Variants in ZNF582 observed in about 807,000 individuals in gnomAD.
ZNF582 encodes the protein zinc finger protein 582.
ZNF582 carries 14 observed loss-of-function variants against 12.3 expected under a neutral mutation model. That is an observed-to-expected ratio of 1.14 (90% confidence interval 0.75 to 1.78). ZNF582 has a LOEUF of 1.78. ZNF582 is among the 40% of genes most tolerant of loss of function. The pLI is 0.00. For missense variants in ZNF582, 567 were observed against 616.5 expected (o/e 0.92, Z 0.85); for synonymous variants, 210 against 207.2 (o/e 1.01, Z -0.11).
intron 1 of ZNF582, 59 bp downstream of exon 1, chr19:56,393,161 A>G (rs2042031549): frequency 8.1e-7 from 1 of 1,239,040 alleles, no homozygotes; most frequent in South Asian, 1.3e-5. Context: ...AAAGGCACGC[A>G]TAACAGTGAA....
intron 3 of ZNF582, 134 bp from the exon 4 acceptor site, chr19:56,390,230 G>C: frequency 7.3e-7 from 1 of 1,370,692 alleles, no homozygotes; most frequent in African/African-American, 1.4e-5. Flanking sequence ...CCTGGGGGTA[G>C]GGGGATGCAG....
chr19:56,391,293 T>C (rs2042011999), intron 2 of ZNF582, among the ~76,000 whole-genome samples: 1 of 152,214 alleles, frequency 6.6e-6, no homozygotes, highest in Non-Finnish European at 1.5e-5. Flanking sequence ...AACGTCAAAC[T>C]AGACTTTAAT....
At chr19:56,383,863 C>A in exon 5 of ZNF582, 1 of 1,558,028 alleles carries the variant, frequency 6.4e-7, no homozygotes, top group East Asian at 2.2e-5. Flanking sequence ...CACAATTAGC[C>A]TAGGCTAATG....
chr19:56,385,212 T>C, intron 4 of ZNF582, 28 bp from the exon 5 acceptor site: 1 of 1,537,624 alleles, frequency 6.5e-7, no homozygotes, highest in Non-Finnish European at 8.7e-7. Flanking sequence ...CGAATATGTT[T>C]GGCTTCTTTT....
intron 4 of ZNF582, among the ~76,000 whole-genome samples, chr19:56,385,411 C>G (rs540253809): frequency 2.6e-5 from 4 of 152,238 alleles, no homozygotes; most frequent in African/African-American, 9.6e-5. Context: ...TGGGGCTGGG[C>G]ATGGTGGCTC....
intron 4 of ZNF582, chr19:56,388,453 T>A (rs1344590425): frequency 6.6e-6 from 1 of 152,190 alleles, no homozygotes; most frequent in Non-Finnish European, 1.5e-5. Context: ...TCATATCTGA[T>A]CCAAGAGAAA....
At chr19:56,391,908 C>G (rs1278992155) in intron 1 of ZNF582, 76 bp from the exon 2 acceptor site, 1 of 1,262,292 alleles carries the variant, frequency 7.9e-7, no homozygotes, top group Non-Finnish European at 1.1e-6. Flanking sequence ...CAAGTCCCCA[C>G]CTGCTTGCCC....
At chr19:56,383,866 G>A in exon 5 of ZNF582, 1 of 1,562,762 alleles carries the variant, frequency 6.4e-7, no homozygotes, top group South Asian at 1.2e-5. Flanking sequence ...AATTAGCCTA[G>A]GCTAATGGGC....
At chr19:56,385,228 C>T (rs35653304) in intron 4 of ZNF582, 44 bp from the exon 5 acceptor site, 108,884 of 1,511,294 alleles carry the variant, frequency 0.072, 4,216 homozygotes, top group Middle Eastern at 0.12. Context: ...CTTTTTTTTT[C>T]CAGATAAAGG....
exon 5 of ZNF582, chr19:56,384,794 A>G (rs948692765): frequency 1.3e-6 from 2 of 1,598,356 alleles, no homozygotes; most frequent in Admixed American, 3.5e-5. Flanking sequence ...GCCATATTTA[A>G]AGGCCTTCCC....
chr19:56,384,245 C>T, exon 5 of ZNF582: 1 of 1,613,980 alleles, frequency 6.2e-7, no homozygotes, highest in East Asian at 2.2e-5. Flanking sequence ...GGGTTTCTCT[C>T]CAGTGTGAAT....
In ZNF582 at chr19:56,384,927, TTTTCTGATAAAAAG is replaced by T; in HGVS notation, c.476_489del (p.Thr159AsnfsTer4). 1 of 1,614,148 alleles carries T rather than the reference TTTTCTGATAAAAAG, an allele frequency of 6.2e-7. No homozygotes were observed. Among genetic ancestry groups the T allele is most frequent in the Non-Finnish European group, 8.5e-7 (1 of 1,180,024 alleles). ...CCAAAAGGTTTTTCTCTAGTATGAA[TTTTCTGATAAAAAG>T]TAAGGGATGCATGCTGGTCAAAAGT... is the stretch of plus-strand genomic sequence containing the variant. On this transcript the variant is annotated frameshift_variant, in exon 5 of 5. Transcript: ENST00000586929. LOFTEE classifies it low-confidence loss of function (END_TRUNC).
At chr19:56,388,749 C>T (rs923036666) in intron 4 of ZNF582, among the ~76,000 whole-genome samples, 1 of 152,188 alleles carries the variant, frequency 6.6e-6, no homozygotes, top group African/African-American at 2.4e-5. Flanking sequence ...TCTCCTGCTT[C>T]AGCCTCCCAA....
rs372754885 is a variant in ZNF582, at chr19:56,391,811, G to A, written c.-59C>T. 3.4e-5 allele frequency: 55 copies of A among 1,614,032 alleles called. No individual in the cohort carries two copies. In the African/African-American group the frequency reaches 6.4e-4, roughly 19 times the overall value. On this transcript the variant is annotated 5_prime_UTR_variant, in exon 2 of 5. Transcript: ENST00000586929. ...CTTCTGGTTCCTCTCTTGGGGAAGG[G>A]CAGAGTCCTGCGACGGTAGAGCTGG... is the stretch of plus-strand genomic sequence containing the variant.
intron 1 of ZNF582, among the ~76,000 whole-genome samples, chr19:56,392,528 A>G (rs2042023214): frequency 6.6e-6 from 1 of 152,356 alleles, no homozygotes; most frequent in Non-Finnish European, 1.5e-5. Flanking sequence ...GAAAATTAGT[A>G]CGTAAGTAGG....
At chr19:56,391,104 C>T (rs141728397) in intron 2 of ZNF582, among the ~76,000 whole-genome samples, 3 of 152,230 alleles carry the variant, frequency 2.0e-5, no homozygotes, top group African/African-American at 7.2e-5. Flanking sequence ...CTCAAACATC[C>T]TCTTATTTTG....
intron 4 of ZNF582, among the ~76,000 whole-genome samples, chr19:56,388,617 T>C (rs947894759): frequency 7.2e-5 from 11 of 152,130 alleles, no homozygotes; most frequent in Non-Finnish European, 1.6e-4. Context: ...CATAACGTGG[T>C]TGCCTTTCCT....
chr19:56,391,870 G>T, intron 1 of ZNF582, 38 bp from the exon 2 acceptor site: 1 of 1,574,824 alleles, frequency 6.3e-7, no homozygotes. Context: ...GGCTAGGCTT[G>T]CCTCACAGTT....
exon 5 of ZNF582, chr19:56,384,986 A>C (rs1252108621): frequency 1.2e-6 from 2 of 1,614,036 alleles, no homozygotes; most frequent in African/African-American, 2.7e-5. Flanking sequence ...TTCATGTCTG[A>C]TGATCATCTG....
Sources: allele counts gnomAD v4.1 joint callset (sites outside exome capture counted in the v4.1 genomes callset), GRCh38; gene constraint gnomAD v4.1.1; transcripts MANE v1.5; gene names NCBI Gene and HGNC (gene_info 2026-07-23, HGNC 2026-07-21).